NFRKB: variants seen among roughly 807,000 people sequenced by gnomAD.
NFRKB encodes the protein nuclear factor related to kappaB binding protein.
NFRKB carries 62 observed loss-of-function variants against 135.7 expected under a neutral mutation model. The observed-to-expected ratio is 0.46, with a 90% CI of 0.37 to 0.56. The LOEUF (loss-of-function observed/expected upper bound fraction) is 0.56. Among genes scored for constraint, NFRKB ranks in the 20% least tolerant of loss-of-function variants. NFRKB has a pLI of 0.00. For missense variants in NFRKB, 1,545 were observed against 1,662.0 expected (o/e 0.93, Z 1.22); for synonymous variants, 678 against 635.6 (o/e 1.07, Z -1.00).
Position 129,874,400 on chromosome 11 carries a change from T to C in NFRKB, c.2059-67A>G. 2 of 1,533,842 alleles carry C rather than the reference T, an allele frequency of 1.3e-6. No homozygotes were observed. The highest frequency in any genetic ancestry group is 1.8e-6 in the Non-Finnish European group (2 of 1,142,278). On this transcript the variant is annotated intron_variant, in intron 20 of 26. Coordinates refer to ENST00000682444, the MANE Select transcript of NFRKB (RefSeq NM_001143835.2). This position sits in a 1 kb window ranked among gnomAD's most constrained non-coding sequence, Gnocchi z 4.5. ...ATCCCCCTAAAGGAAGGGACACCCCTACAGCTCCTGATGCCCCACACCAAG... is the reference window on the plus strand; with the variant it reads ...ATCCCCCTAAAGGAAGGGACACCCCCACAGCTCCTGATGCCCCACACCAAG...
At chr11:129,881,378 A>T in intron 13 of NFRKB, 65 bp downstream of exon 13, 1 of 1,531,012 alleles carries the variant, frequency 6.5e-7, no homozygotes, top group East Asian at 2.3e-5. Context: ...CTGGAAGGCA[A>T]ATAAACTTAG....
rs372127673 is a variant in NFRKB, at chr11:129,873,121, G to A, written c.2551-25C>T. ...TCTAGTTGAGGGCATGAGGCCAAGA[G>A]CTTAATTAGACTCTAAGATGCAGAC... On this transcript the variant is annotated intron_variant, in intron 22 of 26. Coordinates refer to ENST00000682444, the MANE Select transcript of NFRKB (RefSeq NM_001143835.2). 35 of 1,539,038 alleles carry A rather than the reference G, an allele frequency of 2.3e-5. No individual in the cohort carries two copies. The African/African-American group carries it at 3.0e-4, about 13-fold the overall frequency.
chr11:129,875,495 G>A (rs1215887779), intron 17 of NFRKB, 32 bp from the exon 18 acceptor site: 2 of 1,533,752 alleles, frequency 1.3e-6, no homozygotes, highest in East Asian at 2.3e-5. Flanking sequence ...CAGTCCACAA[G>A]TCAGGCAGGG....
chr11:129,892,677 G>T, intron 3 of NFRKB, 38 bp downstream of exon 3: 1 of 1,604,336 alleles, frequency 6.2e-7, no homozygotes, highest in South Asian at 1.1e-5. Flanking sequence ...CAAGGAAGCT[G>T]ACAGAGAGGA....
chr11:129,883,970 A>C, intron 8 of NFRKB, 100 bp downstream of exon 8: 5 of 1,198,838 alleles, frequency 4.2e-6, no homozygotes, highest in Non-Finnish European at 6.2e-6. Context: ...GGTAGGGAGG[A>C]CATACAGACG....
intron 4 of NFRKB, among the ~76,000 whole-genome samples, chr11:129,887,820 G>A (rs1478016610): frequency 6.6e-6 from 1 of 152,212 alleles, no homozygotes; most frequent in East Asian, 1.9e-4. Context: ...GGCAGATCAC[G>A]AGGTCAGGAG....
Position 129,888,713 on chromosome 11 carries a change from A to C in NFRKB, c.218T>G (p.Phe73Cys), listed in dbSNP as rs766795897. The C allele has an allele frequency of 6.2e-7, 1 of 1,614,236 alleles. No homozygotes were observed. Among genetic ancestry groups the C allele is most frequent in the South Asian group, 1.1e-5 (1 of 91,090 alleles). Reference protein sequence around the residue: ...SDSQREHLQQFLPQFPEDSAE... With the variant: ...SDSQREHLQQCLPQFPEDSAE... ...ACTGTCTTCAGGAAACTGGGGCAGA[A>C]ACTGCTGGAGGTGTTCACGTTGAGA... The change falls in exon 4 of 27, where the codon TTT becomes TGT. Residue 73 changes from phenylalanine (F) to cysteine (C), a missense_variant. Coordinates refer to ENST00000682444, the MANE Select transcript of NFRKB (RefSeq NM_001143835.2).
intron 25 of NFRKB, among the ~76,000 whole-genome samples, chr11:129,865,633 T>C (rs1180152686): frequency 6.6e-6 from 1 of 152,216 alleles, no homozygotes; most frequent in Admixed American, 6.5e-5. Context: ...TGTTGCTTTT[T>C]TATTATTTCT....
chr11:129,869,946 T>C lies in NFRKB; in HGVS notation c.3079A>G (p.Ser1027Gly). Residue 1027 changes from serine (S) to glycine (G), a missense_variant, in exon 24 of 27, where the codon AGT becomes GGT. This residue lies in a region of NFRKB where 753 missense variants were observed against 804.3 expected (regional missense o/e 0.94). Transcript: ENST00000682444. ...GTGGATGAAGGGGCACTGGCTGAAC[T>C]GGCCTTGGCAGGGCTATCAGCTGCA... is the stretch of plus-strand genomic sequence containing the variant. Reference protein sequence around the residue: ...VHAADSPAKASSASAPSSTPT... With the variant: ...VHAADSPAKAGSASAPSSTPT... 1 of 1,614,244 alleles carries C rather than the reference T, an allele frequency of 6.2e-7. No individual in the cohort carries two copies. Among genetic ancestry groups the C allele is most frequent in the Non-Finnish European group, 8.5e-7 (1 of 1,180,036 alleles).
rs1949081811 is a variant in NFRKB, at chr11:129,882,549, T to C, written c.984A>G (p.Ser328=). The change falls in exon 10 of 27, where the codon TCA becomes TCG. Residue 328 remains serine, a synonymous_variant. Transcript: ENST00000682444. ...GCGGCTCGGCCAGGTCCTCTGCCTCTGATTTGATCGTTTTTATTTTCTTCT... is the reference window on the plus strand; with the variant it reads ...GCGGCTCGGCCAGGTCCTCTGCCTCCGATTTGATCGTTTTTATTTTCTTCT... ...KKKKKIKTIK[S]EAEDLAEPLS... 4 of 1,614,174 alleles carry C rather than the reference T, an allele frequency of 2.5e-6. No homozygotes were observed. Among genetic ancestry groups the C allele is most frequent in the Non-Finnish European group, 3.4e-6 (4 of 1,180,012 alleles).
At position 129,884,782 on chromosome 11, in the gene NFRKB, C is replaced by T. The variant is rs762033854; in HGVS notation, c.705G>A (p.Val235=). Residue 235 remains valine (V), a synonymous_variant, in exon 7 of 27, where the codon GTG becomes GTA. Transcript: ENST00000682444. ...TATCCGTGGTTGAAAGTGTGGGCACCACCCGCAGGGGCACCGCAGGACTAG... is the reference window on the plus strand; with the variant it reads ...TATCCGTGGTTGAAAGTGTGGGCACTACCCGCAGGGGCACCGCAGGACTAG... The part of the protein sequence containing the change: ...RSPSPAVPLR[V]VPTLSTTDMK... 6.2e-7 allele frequency: 1 copy of T among 1,614,016 alleles called. No homozygotes were observed. Among genetic ancestry groups the T allele is most frequent in the African/African-American group, 1.3e-5 (1 of 74,940 alleles).
chr11:129,890,183 A>G (rs1949491901), intron 3 of NFRKB, among the ~76,000 whole-genome samples: 1 of 152,038 alleles, frequency 6.6e-6, no homozygotes, highest in Non-Finnish European at 1.5e-5. Context: ...GAGACCCACT[A>G]AAGGGTTTCA....
At chr11:129,865,842 C>T (rs1948163095) in intron 25 of NFRKB, 35 bp downstream of exon 25, 1 of 1,603,466 alleles carries the variant, frequency 6.2e-7, no homozygotes, top group African/African-American at 1.3e-5. Flanking sequence ...ACCTCCACCC[C>T]CGAATTGGTT....
At chr11:129,873,244 G>T in intron 22 of NFRKB, 148 bp from the exon 23 acceptor site, 1 of 638,388 alleles carries the variant, frequency 1.6e-6, no homozygotes, top group Non-Finnish European at 2.6e-6. Flanking sequence ...TCTCTAAAAT[G>T]GACACTGTAA....
intron 23 of NFRKB, among the ~76,000 whole-genome samples, chr11:129,872,103 C>A (rs1350082841): frequency 1.3e-5 from 2 of 152,146 alleles, no homozygotes; most frequent in Non-Finnish European, 2.9e-5. Flanking sequence ...CCAGAGAGGC[C>A]TTCTCCAATC....
chr11:129,889,197 G>A (rs192190491), intron 3 of NFRKB, among the ~76,000 whole-genome samples: 1 of 152,108 alleles, frequency 6.6e-6, no homozygotes, highest in East Asian at 1.9e-4. Context: ...CCTGACCTGA[G>A]GTGATCTGCC....
At chr11:129,888,859 T>TAC in intron 3 of NFRKB, 64 bp from the exon 4 acceptor site, 1 of 1,175,678 alleles carries the variant, frequency 8.5e-7, no homozygotes, top group Non-Finnish European at 1.2e-6. Flanking sequence ...TATGTATGCG[T>TAC]ATACAAAACA....
intron 13 of NFRKB, among the ~76,000 whole-genome samples, chr11:129,880,273 C>T (rs539957681): frequency 1.3e-5 from 2 of 152,182 alleles, no homozygotes; most frequent in African/African-American, 4.8e-5. Context: ...CAGCTGCTAC[C>T]TGCACAAACA....
At chr11:129,865,811 G>C (rs1056146370) in intron 25 of NFRKB, 66 bp downstream of exon 25, 2 of 1,426,854 alleles carry the variant, frequency 1.4e-6, no homozygotes, top group Non-Finnish European at 2.0e-6. Flanking sequence ...CGGTGACAAG[G>C]ACTGGTAAGC....
Sources: gnomAD v4.1 joint callset for allele counts (sites outside exome capture counted in the v4.1 genomes callset) on GRCh38, gnomAD v4.1.1 for gene constraint, gnomAD v4.1.1 regional missense constraint, Gnocchi (gnomAD v3.1) non-coding constraint, MANE v1.5 for transcripts, NCBI Gene and HGNC (gene_info 2026-07-23, HGNC 2026-07-21) for gene names.